Variants in TIAM1 observed in about 807,000 individuals in gnomAD.
TIAM1 encodes TIAM Rac1 associated GEF 1, also known as rho guanine nucleotide exchange factor TIAM1.
Under a neutral mutation model 163.5 loss-of-function variants are expected in TIAM1, and 65 were observed. That is an observed-to-expected ratio of 0.40 (90% CI 0.33 to 0.49). The LOEUF (loss-of-function observed/expected upper bound fraction) is 0.49. Among genes scored for constraint, TIAM1 ranks in the 20% least tolerant of loss-of-function variants. TIAM1 has a pLI of 0.77. For missense variants in TIAM1, 1,789 were observed against 2,044.7 expected (o/e 0.87, Z 2.41); for synonymous variants, 833 against 810.1 (o/e 1.03, Z -0.48).
intron 2 of TIAM1, among the ~76,000 whole-genome samples, chr21:31,368,685 G>A (rs944387556): frequency 6.6e-6 from 1 of 152,152 alleles, no homozygotes; most frequent in Admixed American, 6.5e-5. Context: ...ACTTATATTT[G>A]TAAGAAGAAA....
intron 16 of TIAM1, 100 bp downstream of exon 16, chr21:31,164,862 T>C (rs1024355111): frequency 8.3e-7 from 1 of 1,201,296 alleles, no homozygotes; most frequent in Admixed American, 2.0e-5. Flanking sequence ...ACTTCGTCCA[T>C]GGAGAGGCCT....
upstream of TIAM1, among the ~76,000 whole-genome samples, chr21:31,347,786 C>T (rs775801315): frequency 1.3e-4 from 18 of 140,882 alleles, no homozygotes; most frequent in Middle Eastern, 7.1e-3. Context: ...CACGAACGTT[C>T]AGAGAAACTG....
intron 2 of TIAM1, among the ~76,000 whole-genome samples, chr21:31,392,127 TGTATTTTCAACTTAAG>T (rs1408901899): frequency 6.6e-6 from 1 of 152,232 alleles, no homozygotes; most frequent in Non-Finnish European, 1.5e-5. Context: ...GTGTATTAAA[TGTATTTTCAACTTAAG>T]GTATTTTCAA....
intron 2 of TIAM1, among the ~76,000 whole-genome samples, chr21:31,381,420 C>A (rs2147175077): frequency 6.6e-6 from 1 of 152,284 alleles, no homozygotes; most frequent in African/African-American, 2.4e-5. Context: ...GTAATCCTGG[C>A]ACTTTGGGAG....
chr21:31,288,135 G>A (rs2833363), intron 2 of TIAM1, among the ~76,000 whole-genome samples: 31,827 of 151,480 alleles, frequency 0.21, 4,027 homozygotes, highest in East Asian at 0.38. Context: ...TATCCCTGAG[G>A]GGCCACAATT....
chr21:31,122,322 TG>T (rs1331999784), intron 27 of TIAM1, among the ~76,000 whole-genome samples: 2 of 152,214 alleles, frequency 1.3e-5, no homozygotes, highest in Admixed American at 1.3e-4. Flanking sequence ...CAAAAATTCT[TG>T]TTCACTTTTA....
chr21:31,136,185 T>C, intron 22 of TIAM1, 144 bp from the exon 23 acceptor site: 2 of 679,108 alleles, frequency 2.9e-6, no homozygotes. Context: ...ATATGTGAGA[T>C]AATGCTAAGT....
chr21:31,200,106 A>C (rs2086116537), intron 12 of TIAM1, among the ~76,000 whole-genome samples: 1 of 152,126 alleles, frequency 6.6e-6, no homozygotes, highest in Non-Finnish European at 1.5e-5. Flanking sequence ...CCAGAAGCAG[A>C]ATTGTTTTGG....
At chr21:31,376,003 G>A (rs1407479566) in intron 2 of TIAM1, among the ~76,000 whole-genome samples, 1 of 151,554 alleles carries the variant, frequency 6.6e-6, no homozygotes, top group Non-Finnish European at 1.5e-5. Context: ...CTCCGGCCTA[G>A]GTGACACAGT....
At chr21:31,355,627 C>T (rs1383477304) in intron 2 of TIAM1, among the ~76,000 whole-genome samples, 1 of 152,054 alleles carries the variant, frequency 6.6e-6, no homozygotes, top group Admixed American at 6.5e-5. Context: ...TCTCGGCTCA[C>T]TGCAACCTCC....
At position 31,118,765 on chromosome 21, in the gene TIAM1, T is replaced by C. The variant is rs73191626; in HGVS notation, c.*1603A>G. The C allele has an allele frequency of 0.018, 7,045 of 389,312 alleles. 104 individuals carry two copies. Among genetic ancestry groups the C allele is most frequent in the Middle Eastern group, 0.028 (77 of 2,706 alleles). 24.1% of individuals were successfully genotyped at this position (389,312 alleles called of 1,614,324 possible). ...AGCTTTTTCAGAAAACCAGAAGATA[T>C]AGCAAAAATTTAATAGAATAAAACT... On this transcript the variant is annotated 3_prime_UTR_variant, in exon 28 of 28. Coordinates refer to ENST00000541036, the MANE Select transcript of TIAM1 (RefSeq NM_001353694.2).
chr21:31,225,962 A>T lies in TIAM1; in HGVS notation c.1585-12T>A. 6.2e-7 allele frequency: 1 copy of T among 1,609,634 alleles called. No individual in the cohort carries two copies. The highest frequency in any genetic ancestry group is 8.5e-7 in the Non-Finnish European group (1 of 1,177,244). On this transcript the variant is annotated splice_polypyrimidine_tract_variant and intron_variant, in intron 6 of 27. Coordinates refer to ENST00000541036, the MANE Select transcript of TIAM1 (RefSeq NM_001353694.2). ...GTCTGGCTAGTGGTCTGTACCAGGAAGAAGGGGCAGGAAGAAAAAGGCACC... is the reference window on the plus strand; with the variant it reads ...GTCTGGCTAGTGGTCTGTACCAGGATGAAGGGGCAGGAAGAAAAAGGCACC...
intron 10 of TIAM1, among the ~76,000 whole-genome samples, chr21:31,210,683 GAAAAAGAAAGAA>G (rs2086777717): frequency 1.6e-5 from 1 of 63,374 alleles, no homozygotes; most frequent in Non-Finnish European, 2.8e-5. Flanking sequence ...AAGAAAGAAA[GAAAAAGAAAGAA>G]AGAAAGAAAG....
intron 15 of TIAM1, among the ~76,000 whole-genome samples, chr21:31,165,345 C>T (rs796316412): frequency 6.6e-6 from 1 of 151,986 alleles, no homozygotes; most frequent in African/African-American, 2.4e-5. Flanking sequence ...GAAGACCTAC[C>T]CCTCAATGTA....
intron 1 of TIAM1, among the ~76,000 whole-genome samples, chr21:31,485,793 C>A (rs553343842): frequency 2.0e-5 from 3 of 152,146 alleles, no homozygotes; most frequent in South Asian, 4.1e-4. Context: ...AGCCCCCACA[C>A]GTATTAGCAC....
intron 2 of TIAM1, among the ~76,000 whole-genome samples, chr21:31,357,362 A>G (rs879393543): frequency 8.5e-5 from 13 of 152,218 alleles, no homozygotes; most frequent in Non-Finnish European, 1.5e-4. Flanking sequence ...CTTCTCTGAG[A>G]AAAATGAAGC....
intron 2 of TIAM1, among the ~76,000 whole-genome samples, chr21:31,439,944 T>C (rs943300838): frequency 6.6e-6 from 1 of 152,160 alleles, no homozygotes; most frequent in African/African-American, 2.4e-5. Flanking sequence ...AACAAAACCA[T>C]GGATGGCTGA....
intron 2 of TIAM1, among the ~76,000 whole-genome samples, chr21:31,405,773 A>C (rs527410108): frequency 4.5e-4 from 69 of 152,240 alleles, no homozygotes; most frequent in Admixed American, 2.0e-3. Context: ...CTCCCACAAC[A>C]CATGGGAATT....
At chr21:31,495,703 C>T (rs997025756) in intron 1 of TIAM1, among the ~76,000 whole-genome samples, 4 of 152,216 alleles carry the variant, frequency 2.6e-5, no homozygotes, top group Admixed American at 2.6e-4. Flanking sequence ...GGCGCAGTGG[C>T]TCACGCCTGT....
Sources: allele counts gnomAD v4.1 joint callset (sites outside exome capture counted in the v4.1 genomes callset), GRCh38; gene constraint gnomAD v4.1.1; transcripts MANE v1.5; gene names NCBI Gene and HGNC (gene_info 2026-07-23, HGNC 2026-07-21).